Variants in VPS8 observed in about 807,000 individuals in gnomAD.
The protein encoded by VPS8 is VPS8 subunit of CORVET complex.
Under a neutral mutation model 216.4 loss-of-function variants are expected in VPS8, and 129 were observed. The ratio of observed to expected loss-of-function variants is 0.60; its 90% CI spans 0.52 to 0.69. VPS8 has a LOEUF of 0.69. Ranked by LOEUF, VPS8 falls within the 30% of genes least tolerant of loss-of-function variation. VPS8 has a pLI of 0.00. For missense variants in VPS8, 1,531 were observed against 1,683.5 expected (o/e 0.91, Z 1.59); for synonymous variants, 571 against 565.4 (o/e 1.01, Z -0.14).
At position 184,950,548 on chromosome 3, in the gene VPS8, CT is replaced by C. The variant is rs78504437; in HGVS notation, c.3036-6823del. 2.9e-3 allele frequency among the ~76,000 whole-genome samples: 445 copies of C among 152,040 alleles called. 19 individuals are homozygous for C. In the East Asian group the frequency reaches 0.081, roughly 28 times the overall value. Reference sequence around the variant, plus strand: ...AAAATTCCAACGCAATGTTTATTTTCTTTGTCAAATGTTAGGAAGTCAAAAT... The same window carrying C: ...AAAATTCCAACGCAATGTTTATTTTCTTGTCAAATGTTAGGAAGTCAAAAT... On this transcript the variant is annotated intron_variant, in intron 36 of 47. Transcript: ENST00000625842.
chr3:184,915,090 G>A (rs367924131), intron 27 of VPS8, 37 bp downstream of exon 27: 256 of 1,604,394 alleles, frequency 1.6e-4, no homozygotes, highest in Non-Finnish European at 2.0e-4. Context: ...ACTGTTCTCC[G>A]TCTCTGGTTA....
intron 22 of VPS8, among the ~76,000 whole-genome samples, chr3:184,888,245 C>T (rs1731665465): frequency 6.6e-6 from 1 of 152,300 alleles, no homozygotes; most frequent in African/African-American, 2.4e-5. Context: ...GCCTCAGCCT[C>T]TCAGAGTGCT....
Position 185,039,406 on chromosome 3 carries a change from G to C in VPS8, c.4057-9073G>C, listed in dbSNP as rs185833156. ...GCATCTGCTTTCGGTGGGAGCCTCA[G>C]GCTGCCTCCACTCAAGGCAGAAGGC... is the stretch of plus-strand genomic sequence containing the variant. On this transcript the variant is annotated intron_variant, in intron 46 of 47. Transcript: ENST00000625842. 7.2e-4 allele frequency among the ~76,000 whole-genome samples: 109 copies of C among 151,352 alleles called. 2 individuals carry two copies. The highest frequency in any genetic ancestry group is 2.5e-3 in the African/African-American group (105 of 41,256).
At chr3:184,981,397 C>T (rs1412514414) in intron 40 of VPS8, among the ~76,000 whole-genome samples, 3 of 147,258 alleles carry the variant, frequency 2.0e-5, no homozygotes, top group Non-Finnish European at 4.5e-5. Flanking sequence ...GGGGTGGCAG[C>T]GTCTTCATGG....
chr3:184,943,990 T>A (rs780869662), intron 36 of VPS8, among the ~76,000 whole-genome samples: 12 of 152,216 alleles, frequency 7.9e-5, no homozygotes, highest in Non-Finnish European at 1.6e-4. Context: ...TAATCTCAAC[T>A]ACTCAGGAGG....
chr3:184,855,815 A>C lies in VPS8; in HGVS notation c.1140A>C (p.Leu380=), dbSNP rs16859356. ...GCAGAGGAGATGTTGTTCATTTTCT[A>C]TTGGTAAGTCCTAATATGACCATTA... The part of the protein sequence containing the change: ...AFCRGDVVHF[L]LVKRDESGAI... Residue 380 remains leucine, a synonymous_variant, in exon 14 of 48, where the codon CTA becomes CTC. Transcript: ENST00000625842. 1 of 1,610,744 alleles carries C rather than the reference A, an allele frequency of 6.2e-7. No individual in the cohort carries two copies. Among genetic ancestry groups the C allele is most frequent in the South Asian group, 1.1e-5 (1 of 90,720 alleles).
Position 184,869,630 on chromosome 3 carries a change from A to G in VPS8, c.1644+102A>G, listed in dbSNP as rs1426049273. On this transcript the variant is annotated intron_variant, in intron 20 of 47. Transcript: ENST00000625842. ...AGTAGATAAATGGCTACAATCTAGA[A>G]GAGAGTGTATTAAAAAACACACACA... 5 of 1,178,032 alleles carry G rather than the reference A, an allele frequency of 4.2e-6. No homozygotes were observed. In the African/African-American group the frequency reaches 7.6e-5, roughly 18 times the overall value. The allele number at this position is 1,178,032 out of a possible 1,614,324, so 73.0% of individuals were successfully genotyped here.
At chr3:184,997,868 A>G (rs1577101648) in intron 44 of VPS8, among the ~76,000 whole-genome samples, 1 of 152,200 alleles carries the variant, frequency 6.6e-6, no homozygotes, top group East Asian at 1.9e-4. Context: ...AGGAAAAGGA[A>G]TGTTGGGAGC....
intron 37 of VPS8, among the ~76,000 whole-genome samples, chr3:184,959,711 T>C (rs1363370237): frequency 6.6e-6 from 1 of 152,190 alleles, no homozygotes; most frequent in African/African-American, 2.4e-5. Flanking sequence ...TCCATTGGGG[T>C]TTGGGAAATT....
chr3:184,922,842 T>A (rs1004067372), intron 29 of VPS8, among the ~76,000 whole-genome samples: 2 of 152,088 alleles, frequency 1.3e-5, no homozygotes, highest in Admixed American at 6.5e-5. Context: ...CCAGAAAATT[T>A]GTAAGCATGG....
chr3:185,027,125 T>A (rs909680561), intron 46 of VPS8, among the ~76,000 whole-genome samples: 6 of 152,236 alleles, frequency 3.9e-5, no homozygotes, highest in African/African-American at 1.4e-4. Context: ...AAACTGATAG[T>A]TACCGAACAC....
intron 37 of VPS8, among the ~76,000 whole-genome samples, chr3:184,960,829 A>G (rs559116582): frequency 1.3e-5 from 2 of 152,368 alleles, no homozygotes; most frequent in African/African-American, 4.8e-5. Context: ...AGTCAAAGTC[A>G]TAATTAAAAG....
chr3:184,825,892 C>A (rs1405918697), intron 2 of VPS8, among the ~76,000 whole-genome samples: 1 of 149,306 alleles, frequency 6.7e-6, no homozygotes, highest in South Asian at 2.1e-4. Flanking sequence ...CACAGCAAGA[C>A]TCTGTCTCAA....
chr3:184,947,937 CATT>C (rs1160590974), intron 36 of VPS8, among the ~76,000 whole-genome samples: 2 of 152,066 alleles, frequency 1.3e-5, no homozygotes, highest in South Asian at 2.1e-4. Flanking sequence ...AAATTAGAAA[CATT>C]AGTCTGGGAG....
intron 36 of VPS8, among the ~76,000 whole-genome samples, chr3:184,956,544 T>C (rs1201333116): frequency 1.3e-5 from 2 of 152,214 alleles, no homozygotes; most frequent in African/African-American, 2.4e-5. Flanking sequence ...GTTGAGGAAT[T>C]CCGAAGAGAA....
intron 1 of VPS8, among the ~76,000 whole-genome samples, chr3:184,823,362 G>T (rs1019566521): frequency 2.0e-5 from 3 of 152,164 alleles, no homozygotes; most frequent in African/African-American, 7.2e-5. Flanking sequence ...GAAATTAAGT[G>T]GCTCAGTAAT....
At chr3:185,026,597 A>G (rs1188065718) in intron 46 of VPS8, among the ~76,000 whole-genome samples, 1 of 150,844 alleles carries the variant, frequency 6.6e-6, no homozygotes, top group African/African-American at 2.4e-5. Flanking sequence ...TTTTTAGTAG[A>G]GACAGGGTTT....
intron 25 of VPS8, among the ~76,000 whole-genome samples, chr3:184,905,853 CCAAA>C (rs1376195368): frequency 6.6e-6 from 1 of 151,598 alleles, no homozygotes; most frequent in South Asian, 2.1e-4. Context: ...TTTTTTTTAA[CCAAA>C]CAAATTAATA....
At chr3:184,960,372 A>G (rs1746318136) in intron 37 of VPS8, among the ~76,000 whole-genome samples, 1 of 152,208 alleles carries the variant, frequency 6.6e-6, no homozygotes, top group Non-Finnish European at 1.5e-5. Flanking sequence ...AAATAAAGTA[A>G]CTGTGGACAA....
Sources: gnomAD v4.1 joint callset for allele counts (sites outside exome capture counted in the v4.1 genomes callset) on GRCh38, gnomAD v4.1.1 for gene constraint, MANE v1.5 for transcripts, NCBI Gene and HGNC (gene_info 2026-07-23, HGNC 2026-07-21) for gene names.